Variants in GPHN observed in about 807,000 individuals in gnomAD.
The protein encoded by GPHN is gephyrin.
GPHN carries 17 observed loss-of-function variants against 95.5 expected under a neutral mutation model. The observed-to-expected ratio is 0.18, with a 90% CI of 0.12 to 0.27. The LOEUF is 0.27. Among genes scored for constraint, GPHN ranks in the 10% least tolerant of loss-of-function variants. GPHN has a pLI of 1.00. For missense variants in GPHN, 660 were observed against 978.1 expected (o/e 0.67, Z 4.34); for synonymous variants, 320 against 322.5 (o/e 0.99, Z 0.08).
the GPHN span, chr14:67,724,512 G>T: frequency 6.2e-7 from 1 of 1,612,264 alleles, no homozygotes; most frequent in Non-Finnish European, 8.5e-7. Flanking sequence ...CAAATGTGCA[G>T]CTTCCTGGCA....
chr14:66,819,177 A>G (rs984965204), intron 3 of GPHN, among the ~76,000 whole-genome samples: 2 of 152,112 alleles, frequency 1.3e-5, no homozygotes, highest in African/African-American at 4.8e-5. Flanking sequence ...CTATGTCCTA[A>G]ATGGTATTGC....
At chr14:67,387,076 T>C in the GPHN span, 1 of 314,120 alleles carries the variant, frequency 3.2e-6, no homozygotes, top group Non-Finnish European at 5.8e-6. Context: ...GAAATGGCTG[T>C]TTGTGATGCT....
In GPHN at chr14:67,110,145, T is replaced by G. The variant is rs748873683; in HGVS notation, c.1299T>G (p.Thr433=). The G allele has an allele frequency of 6.2e-7, 1 of 1,613,308 alleles. No individual in the cohort carries two copies. The highest frequency in any genetic ancestry group is 8.5e-7 in the Non-Finnish European group (1 of 1,179,258). The part of the protein sequence containing the change: ...IGESQAGEQP[T]QTVMPGQVMR... ...TTTTTCATCTTTATTTCCAGCCAAC[T>G]CAGACAGTAATGCCAGGACAAGTCA... The change falls in exon 14 of 23, where the codon ACT becomes ACG. Residue 433 remains threonine (T), a synonymous_variant. Transcript: ENST00000478722.
the GPHN span, chr14:67,200,314 C>G: frequency 1.5e-6 from 1 of 662,574 alleles, no homozygotes. Flanking sequence ...CTTTGGAGCC[C>G]TCTCCCTCAG....
chr14:67,448,120 CTTTTTTTTTTTTTTTTTTTTTTTT>C, the GPHN span, among the ~76,000 whole-genome samples: 1 of 36,050 alleles, frequency 2.8e-5, no homozygotes, highest in Non-Finnish European at 5.3e-5. Context: ...ATAGCCCATT[CTTTTTTTTTTTTTTTTTTTTTTTT>C]TTTTTTTTTT....
chr14:67,438,960 A>G, the GPHN span, among the ~76,000 whole-genome samples: 2 of 152,056 alleles, frequency 1.3e-5, no homozygotes, highest in East Asian at 1.9e-4. Flanking sequence ...TCTTGCACAT[A>G]TAAGGAGACC....
At chr14:67,726,680 T>C in the GPHN span, among the ~76,000 whole-genome samples, 5 of 152,228 alleles carry the variant, frequency 3.3e-5, no homozygotes, top group Non-Finnish European at 7.3e-5. Flanking sequence ...TACACAAGTG[T>C]ACCTGGGTCC....
chr14:66,737,417 A>G (rs1177073941), intron 2 of GPHN, among the ~76,000 whole-genome samples: 1 of 152,130 alleles, frequency 6.6e-6, no homozygotes, highest in African/African-American at 2.4e-5. Context: ...GTGGTTATTA[A>G]TTCTCAGGGA....
intron 12 of GPHN, among the ~76,000 whole-genome samples, chr14:67,093,886 A>G (rs1290368490): frequency 1.3e-5 from 2 of 152,120 alleles, no homozygotes; most frequent in South Asian, 2.1e-4. Flanking sequence ...TAACTTTAGT[A>G]TGCATATAAA....
chr14:67,724,453 CTT>C, the GPHN span: 11 of 1,456,184 alleles, frequency 7.6e-6, no homozygotes, highest in Admixed American at 3.5e-5. Context: ...ACGTGATGCT[CTT>C]GTTTCCCTTG....
At chr14:67,513,064 A>G in the GPHN span, among the ~76,000 whole-genome samples, 1 of 152,216 alleles carries the variant, frequency 6.6e-6, no homozygotes, top group Non-Finnish European at 1.5e-5. Context: ...AGGGTCTTAA[A>G]TCACTTTATA....
the GPHN span, among the ~76,000 whole-genome samples, chr14:67,567,866 ACCTTT>A: frequency 1.3e-5 from 2 of 152,154 alleles, no homozygotes; most frequent in Non-Finnish European, 2.9e-5. Flanking sequence ...GACTCACGTC[ACCTTT>A]GTTTTCCTTT....
At chr14:66,753,870 T>A (rs1466039175) in intron 2 of GPHN, among the ~76,000 whole-genome samples, 1 of 152,056 alleles carries the variant, frequency 6.6e-6, no homozygotes, top group African/African-American at 2.4e-5. Flanking sequence ...TTTTTTTCTC[T>A]CCCACCTCCA....
the GPHN span, among the ~76,000 whole-genome samples, chr14:67,379,451 C>T: frequency 1.3e-5 from 2 of 152,066 alleles, no homozygotes; most frequent in Non-Finnish European, 2.9e-5. Flanking sequence ...CTGTTCACCT[C>T]ATTTGCCCAT....
chr14:67,476,447 T>C, the GPHN span, among the ~76,000 whole-genome samples: 5 of 151,804 alleles, frequency 3.3e-5, no homozygotes, highest in African/African-American at 9.7e-5. Context: ...ATTAGCTGGG[T>C]GTGGTGGCAT....
chr14:66,982,919 T>G (rs1035127524), intron 9 of GPHN, among the ~76,000 whole-genome samples: 6 of 152,180 alleles, frequency 3.9e-5, no homozygotes, highest in South Asian at 2.1e-4. Flanking sequence ...AATGCTAATC[T>G]TTTGTGATTT....
chr14:66,694,811 T>C (rs1182622188), intron 2 of GPHN, among the ~76,000 whole-genome samples: 1 of 152,190 alleles, frequency 6.6e-6, no homozygotes, highest in Non-Finnish European at 1.5e-5. Flanking sequence ...CATCTGATAA[T>C]GTACTATTAC....
chr14:66,725,556 T>G (rs2153430572), intron 2 of GPHN, among the ~76,000 whole-genome samples: 1 of 152,300 alleles, frequency 6.6e-6, no homozygotes, highest in Non-Finnish European at 1.5e-5. Context: ...CAATCTCGGC[T>G]CACTGAAACC....
chr14:67,032,085 T>G (rs541247266), intron 10 of GPHN, among the ~76,000 whole-genome samples: 45 of 152,338 alleles, frequency 3.0e-4, no homozygotes, highest in South Asian at 1.0e-3. Flanking sequence ...TTGAAATGGA[T>G]AAGAACTGTT....
Sources: allele counts gnomAD v4.1 joint callset (sites outside exome capture counted in the v4.1 genomes callset), GRCh38; gene constraint gnomAD v4.1.1; transcripts MANE v1.5; gene names NCBI Gene and HGNC (gene_info 2026-07-23, HGNC 2026-07-21).